TANC2: variants seen among roughly 807,000 people sequenced by gnomAD.
TANC2 encodes tetratricopeptide repeat, ankyrin repeat and coiled-coil containing 2.
TANC2 carries 26 observed loss-of-function variants against 210.5 expected under a neutral mutation model. The observed-to-expected ratio is 0.12, with a 90% CI of 0.09 to 0.17. TANC2 has a LOEUF of 0.17. Ranked by LOEUF, TANC2 falls within the 10% of genes least tolerant of loss-of-function variation. The pLI is 1.00. For missense variants in TANC2, 2,129 were observed against 2,608.9 expected (o/e 0.82, Z 4.01); for synonymous variants, 931 against 967.1 (o/e 0.96, Z 0.69).
intron 9 of TANC2, among the ~76,000 whole-genome samples, chr17:63,312,641 G>A (rs918248608): frequency 6.6e-6 from 1 of 152,134 alleles, no homozygotes; most frequent in African/African-American, 2.4e-5. Flanking sequence ...CTGAGGGACA[G>A]AATCATTCAT....
At chr17:63,303,538 C>A (rs1047663143) in intron 9 of TANC2, among the ~76,000 whole-genome samples, 1 of 152,136 alleles carries the variant, frequency 6.6e-6, no homozygotes, top group Non-Finnish European at 1.5e-5. Flanking sequence ...TTTCTTCCTT[C>A]ATTTCAACCT....
chr17:62,975,603 A>G (rs2031959248), intron 1 of TANC2, among the ~76,000 whole-genome samples: 2 of 138,808 alleles, frequency 1.4e-5, no homozygotes, highest in Admixed American at 7.3e-5. Flanking sequence ...GAAAGCTGTT[A>G]TTCAGACATT....
chr17:63,365,259 A>G (rs1016221066), intron 14 of TANC2, among the ~76,000 whole-genome samples: 5 of 148,912 alleles, frequency 3.4e-5, no homozygotes, highest in African/African-American at 5.0e-5. Context: ...TTCAACACTA[A>G]TAGCGTTCCA....
chr17:63,055,808 A>G (rs2035752512), intron 2 of TANC2, among the ~76,000 whole-genome samples: 1 of 149,984 alleles, frequency 6.7e-6, no homozygotes, highest in African/African-American at 2.4e-5. Context: ...TTTTTTGAGT[A>G]ATGGATTCCT....
intron 5 of TANC2, among the ~76,000 whole-genome samples, chr17:63,164,139 T>TA (rs996190614): frequency 6.6e-6 from 1 of 151,026 alleles, no homozygotes; most frequent in Non-Finnish European, 1.5e-5. Flanking sequence ...CTTTTTTTTT[T>TA]TTTTTTTTTG....
At chr17:63,120,643 T>C (rs1237152657) in intron 4 of TANC2, 1 of 151,776 alleles carries the variant, frequency 6.6e-6, no homozygotes, top group Non-Finnish European at 1.5e-5. Context: ...TGAAACCCTG[T>C]CTTTACAAAA....
chr17:62,995,083 T>C (rs756074010), intron 1 of TANC2, among the ~76,000 whole-genome samples: 11 of 152,236 alleles, frequency 7.2e-5, no homozygotes, highest in Admixed American at 1.3e-4. Flanking sequence ...TTACGTCACT[T>C]TTAGATAAAT....
At chr17:63,207,277 G>A (rs898262912) in intron 7 of TANC2, among the ~76,000 whole-genome samples, 17 of 141,758 alleles carry the variant, frequency 1.2e-4, no homozygotes, top group South Asian at 2.2e-4. Flanking sequence ...GTGCGGTTGC[G>A]CAGTCTCGGC....
chr17:63,098,520 T>TAA (rs2037499331), intron 3 of TANC2, among the ~76,000 whole-genome samples: 1 of 137,412 alleles, frequency 7.3e-6, no homozygotes, highest in African/African-American at 2.7e-5. Context: ...TGTGTGTATA[T>TAA]ATATATATAT....
chr17:63,090,926 T>A (rs2037163421), intron 3 of TANC2, among the ~76,000 whole-genome samples: 2 of 152,238 alleles, frequency 1.3e-5, no homozygotes, highest in Admixed American at 6.5e-5. Context: ...GGTATCTCAT[T>A]GTGGTTTTGA....
At chr17:63,267,027 C>T (rs1177960704) in intron 8 of TANC2, among the ~76,000 whole-genome samples, 1 of 151,794 alleles carries the variant, frequency 6.6e-6, no homozygotes, top group Non-Finnish European at 1.5e-5. Flanking sequence ...TTTTTTTGTG[C>T]ATTTTTTGTG....
At chr17:63,233,488 T>C (rs1403809921) in intron 7 of TANC2, among the ~76,000 whole-genome samples, 1 of 152,232 alleles carries the variant, frequency 6.6e-6, no homozygotes, top group East Asian at 1.9e-4. Flanking sequence ...TTGCCCTGTG[T>C]GGCTCCTGAG....
At chr17:63,057,417 T>C (rs879881932) in intron 2 of TANC2, among the ~76,000 whole-genome samples, 15 of 152,296 alleles carry the variant, frequency 9.8e-5, no homozygotes, top group Non-Finnish European at 1.9e-4. Context: ...ACTTTATAAT[T>C]TTTTTCTTTT....
At chr17:63,144,640 G>A (rs1567760565) in intron 4 of TANC2, among the ~76,000 whole-genome samples, 1 of 152,052 alleles carries the variant, frequency 6.6e-6, no homozygotes. Context: ...GTAGTATTGG[G>A]GAAGATAGAG....
chr17:63,385,502 C>T (rs2047749721), intron 15 of TANC2, among the ~76,000 whole-genome samples: 1 of 152,146 alleles, frequency 6.6e-6, no homozygotes, highest in South Asian at 2.1e-4. Flanking sequence ...TTTCATATGC[C>T]AAAATAACAA....
intron 8 of TANC2, among the ~76,000 whole-genome samples, chr17:63,246,254 G>GT (rs1448517293): frequency 2.0e-3 from 238 of 117,234 alleles, no homozygotes; most frequent in Non-Finnish European, 3.5e-3. Flanking sequence ...TTTTTTTTTT[G>GT]TTTTTTTTTC....
At chr17:63,419,967 T>C (rs1161304287) in intron 27 of TANC2, 32 bp from the exon 28 acceptor site, 1 of 1,507,274 alleles carries the variant, frequency 6.6e-7, no homozygotes, top group East Asian at 2.5e-5. Flanking sequence ...TCAGAATAAC[T>C]CCAGTTCCTG....
intron 2 of TANC2, among the ~76,000 whole-genome samples, chr17:63,034,695 C>T (rs956290927): frequency 6.6e-6 from 1 of 152,064 alleles, no homozygotes; most frequent in African/African-American, 2.4e-5. Context: ...GATTCCAACC[C>T]TCATGGATAG....
At chr17:63,307,101 G>A (rs1035037916) in intron 9 of TANC2, among the ~76,000 whole-genome samples, 1 of 152,144 alleles carries the variant, frequency 6.6e-6, no homozygotes, top group Non-Finnish European at 1.5e-5. Context: ...ATGCCTGCAG[G>A]GGTAGGTAGG....
Sources: allele counts gnomAD v4.1 joint callset (sites outside exome capture counted in the v4.1 genomes callset), GRCh38; gene constraint gnomAD v4.1.1; transcripts MANE v1.5; gene names NCBI Gene and HGNC (gene_info 2026-07-23, HGNC 2026-07-21).